Variants in LRRC72 observed in about 807,000 individuals in gnomAD.
LRRC72 encodes the protein leucine-rich repeat-containing protein 72.
A neutral mutation model predicts 35.8 loss-of-function variants in LRRC72; 41 were observed. The ratio of observed to expected loss-of-function variants is 1.15; its 90% CI spans 0.89 to 1.49. The LOEUF (loss-of-function observed/expected upper bound fraction) is 1.49, where lower values mean the gene tolerates loss of function less well. Among genes scored for constraint, LRRC72 ranks in the 40% most tolerant of loss-of-function variants. LRRC72 has a pLI of 0.00. For missense variants in LRRC72, 389 were observed against 330.7 expected (o/e 1.18, Z -1.37); for synonymous variants, 118 against 119.2 (o/e 0.99, Z 0.07).
At chr7:16,536,717 G>A (rs1320925611) in intron 2 of LRRC72, among the ~76,000 whole-genome samples, 1 of 152,002 alleles carries the variant, frequency 6.6e-6, no homozygotes, top group Non-Finnish European at 1.5e-5. Context: ...ATAAAAATTA[G>A]AAAAATATTA....
intron 1 of LRRC72, among the ~76,000 whole-genome samples, chr7:16,531,957 C>A (rs1782173074): frequency 6.6e-6 from 1 of 152,118 alleles, no homozygotes; most frequent in Non-Finnish European, 1.5e-5. Context: ...TGTATTTATT[C>A]ATTTGTTCAG....
At chr7:16,545,337 C>G (rs369652095) in intron 3 of LRRC72, among the ~76,000 whole-genome samples, 1 of 152,240 alleles carries the variant, frequency 6.6e-6, no homozygotes, top group East Asian at 1.9e-4. Flanking sequence ...ATAAAATTAG[C>G]AAATCATACT....
intron 7 of LRRC72, among the ~76,000 whole-genome samples, chr7:16,573,673 A>T (rs1782987752): frequency 6.6e-6 from 1 of 152,208 alleles, no homozygotes; most frequent in Admixed American, 6.5e-5. Flanking sequence ...TTAGAGACTT[A>T]AATGTGAGAC....
chr7:16,570,262 T>C (rs910672742), intron 7 of LRRC72, among the ~76,000 whole-genome samples: 3 of 152,172 alleles, frequency 2.0e-5, no homozygotes, highest in Non-Finnish European at 4.4e-5. Context: ...ACATGAGTTG[T>C]GTGCAGGACA....
intron 1 of LRRC72, among the ~76,000 whole-genome samples, chr7:16,530,737 T>C (rs1782147335): frequency 6.6e-6 from 1 of 152,240 alleles, no homozygotes; most frequent in Non-Finnish European, 1.5e-5. Flanking sequence ...TTCTGAGTCC[T>C]GGAGGTAGAA....
intron 2 of LRRC72, among the ~76,000 whole-genome samples, chr7:16,534,935 C>T (rs190391613): frequency 4.4e-4 from 67 of 152,316 alleles, no homozygotes; most frequent in Admixed American, 2.6e-4. Flanking sequence ...TGGTGGCTTA[C>T]GCCTATAATC....
At chr7:16,527,136 T>A in intron 1 of LRRC72, 94 bp downstream of exon 1, 1 of 947,702 alleles carries the variant, frequency 1.1e-6, no homozygotes, top group South Asian at 1.5e-5. Context: ...AGGTACTGAA[T>A]TTGGAGGGGA....
intron 3 of LRRC72, among the ~76,000 whole-genome samples, chr7:16,552,405 AGT>A (rs10558343): frequency 0.77 from 117,075 of 151,798 alleles, 45,494 homozygotes; most frequent in East Asian, 1. Flanking sequence ...AAGGAAATGA[AGT>A]GTGTGCAGAA....
intron 2 of LRRC72, chr7:16,536,911 A>G (rs774746736): frequency 6.6e-6 from 1 of 152,182 alleles, no homozygotes; most frequent in Admixed American, 6.5e-5. Flanking sequence ...TGGGTTCCAC[A>G]ATTTCTGCCC....
intron 5 of LRRC72, among the ~76,000 whole-genome samples, chr7:16,563,674 TA>T (rs1782779721): frequency 6.6e-6 from 1 of 152,200 alleles, no homozygotes; most frequent in African/African-American, 2.4e-5. Flanking sequence ...TCCAAAATGT[TA>T]AATGTTTAAT....
intron 5 of LRRC72, among the ~76,000 whole-genome samples, chr7:16,560,165 G>C (rs773104077): frequency 3.9e-5 from 6 of 152,184 alleles, no homozygotes; most frequent in Non-Finnish European, 8.8e-5. Flanking sequence ...TTAGAGTTTA[G>C]AGACCTCTTT....
At chr7:16,532,642 A>G in intron 2 of LRRC72, 74 bp downstream of exon 2, 1 of 1,198,296 alleles carries the variant, frequency 8.3e-7, no homozygotes, top group Non-Finnish European at 1.2e-6. Context: ...CACAGATTCA[A>G]ATGTTATTTT....
chr7:16,575,504 T>TG (rs1308806673), intron 7 of LRRC72, among the ~76,000 whole-genome samples: 1 of 152,240 alleles, frequency 6.6e-6, no homozygotes, highest in Non-Finnish European at 1.5e-5. Flanking sequence ...CCCTTGGGTT[T>TG]GAATACCAGA....
intron 7 of LRRC72, among the ~76,000 whole-genome samples, chr7:16,571,174 T>C (rs1782937409): frequency 6.6e-6 from 1 of 151,944 alleles, no homozygotes. Context: ...GCTTTCAGAG[T>C]GTAAAACAAA....
chr7:16,557,865 C>T (rs1173743898), intron 4 of LRRC72, among the ~76,000 whole-genome samples: 2 of 152,082 alleles, frequency 1.3e-5, no homozygotes. Flanking sequence ...TCATTTCAAG[C>T]CAGTTATAAA....
At chr7:16,544,509 C>G (rs1019375536) in intron 3 of LRRC72, among the ~76,000 whole-genome samples, 1 of 152,168 alleles carries the variant, frequency 6.6e-6, no homozygotes, top group Non-Finnish European at 1.5e-5. Context: ...CTCCCTTCCT[C>G]GTTTCATTCT....
intron 3 of LRRC72, among the ~76,000 whole-genome samples, chr7:16,555,852 T>C (rs1782640970): frequency 6.6e-6 from 1 of 152,194 alleles, no homozygotes; most frequent in South Asian, 2.1e-4. Flanking sequence ...GGAACATATA[T>C]TCTTGTATAC....
At chr7:16,544,473 G>A (rs1452404787) in intron 3 of LRRC72, among the ~76,000 whole-genome samples, 6 of 152,164 alleles carry the variant, frequency 3.9e-5, no homozygotes, top group South Asian at 2.1e-4. Flanking sequence ...TAATTAGTGG[G>A]AGGCAGCTGC....
intron 4 of LRRC72, among the ~76,000 whole-genome samples, 173 bp from the exon 5 acceptor site, chr7:16,558,716 A>C (rs571058134): frequency 2.0e-5 from 3 of 151,998 alleles, no homozygotes; most frequent in South Asian, 2.1e-4. Flanking sequence ...TGTATTCTTA[A>C]TAATAATTTA....
Sources: allele counts gnomAD v4.1 joint callset (sites outside exome capture counted in the v4.1 genomes callset), GRCh38; gene constraint gnomAD v4.1.1; transcripts MANE v1.5; gene names NCBI Gene and HGNC (gene_info 2026-07-23, HGNC 2026-07-21).